PLD5: variants seen among roughly 807,000 people sequenced by gnomAD.
The protein encoded by PLD5 is inactive phospholipase D5.
In PLD5, 36 loss-of-function variants were observed where a neutral mutation model predicts 61.1. The observed-to-expected ratio is 0.59, with a 90% CI of 0.45 to 0.78. PLD5 has a LOEUF of 0.78. Ranked by LOEUF, PLD5 falls within the 30% of genes least tolerant of loss-of-function variation. The probability of loss-of-function intolerance (pLI) is 0.00; values close to 1 mark genes in which losing one functional copy is unlikely to be tolerated. For missense variants in PLD5, 515 were observed against 644.4 expected, an observed-to-expected ratio of 0.80 and a Z score of 2.17; for synonymous variants, 243 against 242.8, an observed-to-expected ratio of 1.00 and a Z score of -0.01.
chr1:242,295,211 G>A (rs925637113), intron 2 of PLD5, among the ~76,000 whole-genome samples: 13 of 152,136 alleles, frequency 8.5e-5, no homozygotes, highest in Admixed American at 3.3e-4. Context: ...GCTGGGGTTC[G>A]GGCTTCTAGT....
rs374579701 is a variant in PLD5 at position 242,375,278 on chromosome 1, G to C, written c.190-27036C>G. Among the ~76,000 whole-genome samples, 4 of 152,276 alleles carry C rather than the reference G, an allele frequency of 2.6e-5. No individual in the cohort carries two copies. The South Asian group carries it at 8.3e-4, about 32-fold the overall frequency. Reference sequence around the variant, plus strand: ...TGCCACTGTGCAGTCAGTCAGCCGTGCCGTCTGCCTCATTTTAAAGTCCCC... The same window carrying C: ...TGCCACTGTGCAGTCAGTCAGCCGTCCCGTCTGCCTCATTTTAAAGTCCCC... On this transcript the variant is annotated intron_variant, in intron 1 of 9. Coordinates refer to ENST00000536534, the MANE Select transcript of PLD5 (RefSeq NM_001372062.1).
At chr1:242,216,176 A>G (rs1484213956) in intron 5 of PLD5, among the ~76,000 whole-genome samples, 1 of 152,152 alleles carries the variant, frequency 6.6e-6, no homozygotes, top group Non-Finnish European at 1.5e-5. Context: ...TCTAGGATGC[A>G]AAGTCAGAAT....
intron 1 of PLD5, among the ~76,000 whole-genome samples, chr1:242,400,726 C>T (rs982266140): frequency 6.6e-6 from 1 of 152,112 alleles, no homozygotes; most frequent in Non-Finnish European, 1.5e-5. Context: ...CCACCACCCG[C>T]CTGCTTTTCC....
At chr1:242,467,739 G>A (rs1418052269) in intron 1 of PLD5, among the ~76,000 whole-genome samples, 1 of 152,168 alleles carries the variant, frequency 6.6e-6, no homozygotes, top group Non-Finnish European at 1.5e-5. Flanking sequence ...CCACCAGGTG[G>A]TGTGTGTGCA....
At chr1:242,176,815 A>G (rs1009625549) in intron 5 of PLD5, among the ~76,000 whole-genome samples, 4 of 152,250 alleles carry the variant, frequency 2.6e-5, no homozygotes, top group Non-Finnish European at 4.4e-5. Flanking sequence ...GCCAACAAAC[A>G]TATGAAAAAA....
rs1176323252 is a variant in PLD5 at position 242,130,238 on chromosome 1, G to A, written c.736-5573C>T. Among the ~76,000 whole-genome samples the A allele has an allele frequency of 3.3e-5, 5 of 152,172 alleles. No individual in the cohort carries two copies. In the East Asian group the frequency reaches 9.7e-4, roughly 29 times the overall value. On this transcript the variant is annotated intron_variant, in intron 5 of 9. Coordinates refer to ENST00000536534, the MANE Select transcript of PLD5 (RefSeq NM_001372062.1). ...AGCTGATTTTTGTATTTTGAGTAGA[G>A]ACAGGGTTTCACCACGTTGGCCAGG...
intron 1 of PLD5, among the ~76,000 whole-genome samples, chr1:242,356,245 G>A (rs115921803): frequency 0.017 from 2,598 of 151,968 alleles, 34 homozygotes; most frequent in East Asian, 0.033. Flanking sequence ...ATAGATTCAG[G>A]TGCTACACTG....
intron 5 of PLD5, among the ~76,000 whole-genome samples, chr1:242,197,125 G>C (rs1179930256): frequency 6.6e-6 from 1 of 152,084 alleles, no homozygotes; most frequent in Non-Finnish European, 1.5e-5. Flanking sequence ...GAGGAACCCA[G>C]GCCGAGGCCA....
intron 2 of PLD5, among the ~76,000 whole-genome samples, chr1:242,306,782 CACACACACA>C (rs1449213201): frequency 1.0e-4 from 4 of 39,918 alleles, no homozygotes; most frequent in African/African-American, 2.9e-4. Context: ...CACACACACA[CACACACACA>C]CCCCACTTAC....
chr1:242,127,488 T>G (rs2148744505), intron 5 of PLD5, among the ~76,000 whole-genome samples: 1 of 152,282 alleles, frequency 6.6e-6, no homozygotes, highest in Non-Finnish European at 1.5e-5. Context: ...AAGGAATGAA[T>G]TAATGGCATT....
At chr1:242,238,690 T>C (rs1558383421) in intron 4 of PLD5, among the ~76,000 whole-genome samples, 1 of 152,188 alleles carries the variant, frequency 6.6e-6, no homozygotes, top group Non-Finnish European at 1.5e-5. Flanking sequence ...TGAAACTTTG[T>C]GAAGTCATAG....
At chr1:242,375,101 C>A (rs1661868512) in intron 1 of PLD5, among the ~76,000 whole-genome samples, 1 of 152,152 alleles carries the variant, frequency 6.6e-6, no homozygotes, top group South Asian at 2.1e-4. Context: ...TCTCTTTGGT[C>A]AATATCCCCG....
In PLD5 at chr1:242,379,602, C is replaced by T. The variant is rs374376263; in HGVS notation, c.190-31360G>A. On this transcript the variant is annotated intron_variant, in intron 1 of 9. Transcript: ENST00000536534. ...AGTTACAGCAGAGCCCTCTTCATTG[C>T]TTTTTGTTTACTACTTTAAAAAAAA... 3.0e-3 allele frequency among the ~76,000 whole-genome samples: 460 copies of T among 151,880 alleles called. 3 individuals are homozygous for T. Among genetic ancestry groups the T allele is most frequent in the African/African-American group, 0.01 (433 of 41,334 alleles).
At chr1:242,468,724 CATAT>C (rs530538824) in intron 1 of PLD5, among the ~76,000 whole-genome samples, 1 of 151,686 alleles carries the variant, frequency 6.6e-6, no homozygotes, top group Non-Finnish European at 1.5e-5. Flanking sequence ...CATACACACA[CATAT>C]ATATATACTT....
intron 1 of PLD5, among the ~76,000 whole-genome samples, chr1:242,490,251 G>A (rs1055489325): frequency 1.9e-4 from 29 of 152,176 alleles, no homozygotes; most frequent in African/African-American, 6.8e-4. Flanking sequence ...CCAGAAGTTC[G>A]TTTCTTACCA....
At chr1:242,322,587 G>A (rs1345847057) in intron 2 of PLD5, among the ~76,000 whole-genome samples, 1 of 152,186 alleles carries the variant, frequency 6.6e-6, no homozygotes, top group Non-Finnish European at 1.5e-5. Flanking sequence ...ATCCCCACTT[G>A]TCAGAGGTCT....
intron 1 of PLD5, among the ~76,000 whole-genome samples, chr1:242,411,199 C>T (rs1380709491): frequency 6.6e-6 from 1 of 151,884 alleles, no homozygotes; most frequent in Non-Finnish European, 1.5e-5. Context: ...CTACAAATCC[C>T]TGAGAAGGAT....
chr1:242,344,934 C>T (rs989351648), intron 2 of PLD5, among the ~76,000 whole-genome samples: 1 of 152,208 alleles, frequency 6.6e-6, no homozygotes, highest in Admixed American at 6.5e-5. Flanking sequence ...GCTCTTCTTA[C>T]ATGGCAGTGG....
intron 2 of PLD5, among the ~76,000 whole-genome samples, chr1:242,315,472 C>A (rs12117290): frequency 0.29 from 43,939 of 151,976 alleles, 7,138 homozygotes; most frequent in African/African-American, 0.43. Flanking sequence ...AGAAAAATGC[C>A]CTTCTACCCT....
Sources: gnomAD v4.1 joint callset for allele counts (sites outside exome capture counted in the v4.1 genomes callset) on GRCh38, gnomAD v4.1.1 for gene constraint, MANE v1.5 for transcripts, NCBI Gene and HGNC (gene_info 2026-07-23, HGNC 2026-07-21) for gene names.